ZNF608: variants seen among roughly 807,000 people sequenced by gnomAD.
The protein encoded by ZNF608 is renal carcinoma antigen NY-REN-36.
A neutral mutation model predicts 109.0 loss-of-function variants in ZNF608; 12 were observed. That is an observed-to-expected ratio of 0.11 (90% confidence interval 0.07 to 0.18). The LOEUF (loss-of-function observed/expected upper bound fraction) is 0.18, where lower values mean the gene tolerates loss of function less well. ZNF608 is among the 10% of genes least tolerant of loss of function. ZNF608 has a pLI of 1.00. For synonymous variants in ZNF608, 732 were observed against 717.4 expected (o/e 1.02, Z -0.33); for missense variants, 1,707 against 1,879.3 (o/e 0.91, Z 1.70).
At chr5:124,747,910 A>G (rs531935889), upstream of ZNF608, among the ~76,000 whole-genome samples, 13 of 152,102 alleles carry the variant, frequency 8.5e-5, no homozygotes, top group East Asian at 2.5e-3. Context: ...AACAAAGAAA[A>G]ACCTTTTGCT....
intron 3 of ZNF608, among the ~76,000 whole-genome samples, chr5:124,668,280 A>C (rs1013002858): frequency 1.4e-4 from 21 of 149,002 alleles, no homozygotes; most frequent in Non-Finnish European, 2.7e-4. Flanking sequence ...TTGCACCTAT[A>C]GTTCCAGCTA....
upstream of ZNF608, chr5:124,746,917 C>T (rs1248708347): frequency 7.2e-6 from 1 of 138,914 alleles, no homozygotes; most frequent in Non-Finnish European, 1.3e-5. Context: ...GCTGATAAAC[C>T]AGTTATAACA....
intron 3 of ZNF608, among the ~76,000 whole-genome samples, chr5:124,665,319 G>A (rs1306199622): frequency 6.6e-6 from 1 of 152,218 alleles, no homozygotes; most frequent in Non-Finnish European, 1.5e-5. Context: ...CACAGAGCCA[G>A]GTGTTAAATA....
intron 2 of ZNF608, among the ~76,000 whole-genome samples, chr5:124,714,970 G>A (rs144840370): frequency 1.2e-3 from 190 of 152,274 alleles, no homozygotes; most frequent in African/African-American, 3.1e-3. Flanking sequence ...TCTAAAAGCT[G>A]ACATCCTAGG....
At position 124,744,942 on chromosome 5, in the gene ZNF608, T is replaced by C. The variant is rs371656333; in HGVS notation, c.48A>G (p.Thr16=). The part of the protein sequence containing the change: ...STAGKGVDPN[T]VDTYDSGDDW... ...CATCGCCACTGTCATAAGTATCAAC[T>C]GTATTTGGATCCACACCTTTTCCTG... Residue 16 remains threonine, a synonymous_variant, in exon 2 of 10, where the codon ACA becomes ACG. Coordinates refer to ENST00000513986, the MANE Select transcript of ZNF608 (RefSeq NM_020747.3). The surrounding 1 kb of genome is among the most constrained non-coding windows in gnomAD (Gnocchi z 4.5). 4 of 1,613,848 alleles carry C rather than the reference T, an allele frequency of 2.5e-6. No homozygotes were observed. The highest frequency in any genetic ancestry group is 2.2e-5 in the East Asian group (1 of 44,896).
chr5:124,682,254 G>C (rs1353631955), intron 3 of ZNF608, among the ~76,000 whole-genome samples: 1 of 152,172 alleles, frequency 6.6e-6, no homozygotes, highest in African/African-American at 2.4e-5. Flanking sequence ...TCTACTTTTA[G>C]TAGAGACAGG....
chr5:124,737,622 A>G (rs1749211373), intron 2 of ZNF608, among the ~76,000 whole-genome samples: 1 of 152,150 alleles, frequency 6.6e-6, no homozygotes. Context: ...AAATATAAGT[A>G]TTTGCTTTGT....
At chr5:124,740,396 G>A (rs895997153) in intron 2 of ZNF608, among the ~76,000 whole-genome samples, 1 of 151,950 alleles carries the variant, frequency 6.6e-6, no homozygotes, top group Non-Finnish European at 1.5e-5. Flanking sequence ...AAAACAGTTT[G>A]CTGTCCGACA....
At chr5:124,679,167 G>A (rs1044528853) in intron 3 of ZNF608, among the ~76,000 whole-genome samples, 3 of 152,150 alleles carry the variant, frequency 2.0e-5, no homozygotes, top group African/African-American at 4.8e-5. Flanking sequence ...ATATAAAAAC[G>A]TTTCCTTCAG....
intron 3 of ZNF608, among the ~76,000 whole-genome samples, chr5:124,651,585 A>G (rs935668399): frequency 2.0e-5 from 3 of 152,264 alleles, no homozygotes; most frequent in African/African-American, 7.2e-5. Flanking sequence ...AGGAAACATG[A>G]AAGAAACAAC....
In ZNF608 at chr5:124,641,452, A is replaced by G. The variant is rs1411120048; in HGVS notation, c.4297-47T>C. 7 of 1,564,996 alleles carry G rather than the reference A, an allele frequency of 4.5e-6. No homozygotes were observed. The African/African-American group carries it at 9.5e-5, about 21-fold the overall frequency. On this transcript the variant is annotated intron_variant, in intron 7 of 9. Coordinates refer to ENST00000513986, the MANE Select transcript of ZNF608 (RefSeq NM_020747.3). ...TTCCCCCTTCATGCTCTGAAAATCAACTTTTAAGAGTACTAAACCACCTTT... is the reference window on the plus strand; with the variant it reads ...TTCCCCCTTCATGCTCTGAAAATCAGCTTTTAAGAGTACTAAACCACCTTT...
chr5:124,713,777 G>A (rs746711073), intron 2 of ZNF608, among the ~76,000 whole-genome samples: 1 of 152,170 alleles, frequency 6.6e-6, no homozygotes, highest in South Asian at 2.1e-4. Flanking sequence ...TTGGTGGAGA[G>A]GGGGAGGGGA....
chr5:124,656,796 C>G (rs1182905904), intron 3 of ZNF608, among the ~76,000 whole-genome samples: 1 of 108,752 alleles, frequency 9.2e-6, no homozygotes, highest in African/African-American at 3.5e-5. Context: ...AGAATAAGCC[C>G]TAAACACACA....
chr5:124,728,177 C>A (rs1171701006), intron 2 of ZNF608, among the ~76,000 whole-genome samples: 2 of 152,126 alleles, frequency 1.3e-5, no homozygotes, highest in Non-Finnish European at 2.9e-5. Context: ...TTAGACCAGT[C>A]CCTACCTTTG....
intron 2 of ZNF608, among the ~76,000 whole-genome samples, chr5:124,723,712 C>G (rs1025719945): frequency 2.0e-5 from 3 of 152,014 alleles, no homozygotes; most frequent in African/African-American, 7.3e-5. Flanking sequence ...TCTGACTATA[C>G]AGTTTAAGAT....
upstream of ZNF608, among the ~76,000 whole-genome samples, chr5:124,747,163 GTTTTC>G (rs1232655216): frequency 3.0e-4 from 43 of 144,992 alleles, no homozygotes; most frequent in Admixed American, 2.9e-3. Context: ...TAAGGTTTTT[GTTTTC>G]TTTTTTTTTT....
chr5:124,735,445 C>A (rs1198825867), intron 2 of ZNF608, among the ~76,000 whole-genome samples: 1 of 152,212 alleles, frequency 6.6e-6, no homozygotes, highest in Non-Finnish European at 1.5e-5. Context: ...CCCAGGAGCC[C>A]AGGGCCCTCC....
At chr5:124,641,886 C>G (rs762529200) in intron 7 of ZNF608, among the ~76,000 whole-genome samples, 4 of 152,120 alleles carry the variant, frequency 2.6e-5, no homozygotes, top group Non-Finnish European at 4.4e-5. Context: ...CAATATAAAG[C>G]ACAAGAAATC....
rs750383112 is a variant in ZNF608, at chr5:124,648,133, C to G, written c.2251G>C (p.Ala751Pro). 1.3e-5 allele frequency: 21 copies of G among 1,611,714 alleles called. No individual in the cohort carries two copies. The highest frequency in any genetic ancestry group is 1.1e-4 in the African/African-American group (8 of 74,244). The change falls in exon 5 of 10, where the codon GCT becomes CCT. Residue 751 changes from alanine (A) to proline (P), a missense_variant. Physicochemically the swap from Ala to Pro is conservative, Grantham distance 27. Transcript: ENST00000513986. ...GTTGTAAAGGTTGCAGTGGGTATAG[C>G]GATTAGCTGCGGGGGAGTGGGGGCT... is the stretch of plus-strand genomic sequence containing the variant. ...APAPTPPQLI[A>P]IPTATFTTTT...
Sources: gnomAD v4.1 joint callset for allele counts (sites outside exome capture counted in the v4.1 genomes callset) on GRCh38, gnomAD v4.1.1 for gene constraint, Gnocchi (gnomAD v3.1) non-coding constraint, MANE v1.5 for transcripts, NCBI Gene and HGNC (gene_info 2026-07-23, HGNC 2026-07-21) for gene names.